Variants in ACAT2 observed in about 807,000 individuals in gnomAD.
ACAT2 encodes acetyl-CoA acetyltransferase, cytosolic.
Under a neutral mutation model 37.1 loss-of-function variants are expected in ACAT2, and 26 were observed. The observed-to-expected ratio is 0.70, with a 90% CI of 0.51 to 0.97. The LOEUF (loss-of-function observed/expected upper bound fraction) is 0.97, where lower values mean the gene tolerates loss of function less well. Ranked by LOEUF, ACAT2 falls within the 50% of genes least tolerant of loss-of-function variation. The probability of loss-of-function intolerance (pLI) is 0.00; values close to 1 mark genes in which losing one functional copy is unlikely to be tolerated. For synonymous variants in ACAT2, 156 were observed against 163.6 expected, an observed-to-expected ratio of 0.95 and a Z score of 0.35; for missense variants, 468 against 489.0, an observed-to-expected ratio of 0.96 and a Z score of 0.40.
chr6:159,777,750 C>T (rs561247656), intron 7 of ACAT2, among the ~76,000 whole-genome samples: 4 of 152,154 alleles, frequency 2.6e-5, no homozygotes, highest in Admixed American at 1.3e-4. Context: ...AGGTCTATGT[C>T]GCCCAGGCTG....
intron 1 of ACAT2, 77 bp from the exon 2 acceptor site, chr6:159,762,842 A>C: frequency 6.3e-7 from 1 of 1,597,338 alleles, no homozygotes; most frequent in Non-Finnish European, 8.5e-7. Context: ...CAGGGTCATG[A>C]GGCTCCCCTG....
intron 5 of ACAT2, 157 bp downstream of exon 5, chr6:159,775,470 C>T: frequency 1.2e-6 from 1 of 862,836 alleles, no homozygotes; most frequent in Admixed American, 2.9e-5. Context: ...AGGGGGTATG[C>T]TGGGTTTACA....
At chr6:159,778,128 C>T (rs748884270) in intron 7 of ACAT2, 42 bp from the exon 8 acceptor site, 2 of 1,364,440 alleles carry the variant, frequency 1.5e-6, no homozygotes, top group Admixed American at 1.8e-5. Flanking sequence ...TTTAGCCTTT[C>T]CACCCAAGTT....
intron 5 of ACAT2, chr6:159,775,929 T>A: frequency 2.3e-6 from 1 of 440,284 alleles, no homozygotes; most frequent in Non-Finnish European, 4.0e-6. Context: ...GGCCTATGGA[T>A]TTGGAAAACA....
intron 3 of ACAT2, 68 bp from the exon 4 acceptor site, chr6:159,768,443 T>C: frequency 8.8e-7 from 1 of 1,136,074 alleles, no homozygotes; most frequent in Non-Finnish European, 1.3e-6. Flanking sequence ...TAGATAGTTT[T>C]GAGTTGTATT....
At chr6:159,765,025 A>G (rs1168689130) in intron 2 of ACAT2, among the ~76,000 whole-genome samples, 1 of 152,234 alleles carries the variant, frequency 6.6e-6, no homozygotes, top group African/African-American at 2.4e-5. Context: ...GCTGGAGATA[A>G]GCAATGTTCA....
In ACAT2 at chr6:159,774,018, A is replaced by G. The variant is rs754054303; in HGVS notation, c.491-1152A>G. ...GATTACTTATAAATGAAAAAATGGT[A>G]CCTTTAAAAGCTAGAAACCTGGTGA... On this transcript the variant is annotated intron_variant, in intron 4 of 8. Transcript: ENST00000367048. Among the ~76,000 whole-genome samples the G allele has an allele frequency of 7.2e-4, 109 of 152,236 alleles. 1 individual carries two copies. The highest frequency in any genetic ancestry group is 3.3e-4 in the Admixed American group (5 of 15,280).
At chr6:159,770,682 C>A (rs1333810782) in intron 4 of ACAT2, among the ~76,000 whole-genome samples, 1 of 151,992 alleles carries the variant, frequency 6.6e-6, no homozygotes, top group Non-Finnish European at 1.5e-5. Flanking sequence ...ATGGCCTTAA[C>A]AGCATCTTGG....
chr6:159,779,099 A>G lies in ACAT2; in HGVS notation c.*270A>G, dbSNP rs771888142. The G allele has an allele frequency of 6.8e-6, 11 of 1,614,014 alleles. No individual in the cohort carries two copies. The East Asian group carries it at 2.5e-4, about 36-fold the overall frequency. Reference sequence around the variant, plus strand: ...CATCTTCATAACTTCCATGTTTATCATCTTTACTTTCTGGATGTAATTTAA... The same window carrying G: ...CATCTTCATAACTTCCATGTTTATCGTCTTTACTTTCTGGATGTAATTTAA... On this transcript the variant is annotated 3_prime_UTR_variant, in exon 9 of 9. Coordinates refer to ENST00000367048, the MANE Select transcript of ACAT2 (RefSeq NM_005891.3).
chr6:159,765,421 C>T (rs1280444705), intron 2 of ACAT2, among the ~76,000 whole-genome samples: 2 of 150,518 alleles, frequency 1.3e-5, no homozygotes, highest in Non-Finnish European at 3.0e-5. Context: ...CAGCCCTGTA[C>T]CTCATTTCTT....
rs766305392 is a variant in ACAT2, at chr6:159,778,831, T to A, written c.*2T>A. On this transcript the variant is annotated 3_prime_UTR_variant, in exon 9 of 9. Coordinates refer to ENST00000367048, the MANE Select transcript of ACAT2 (RefSeq NM_005891.3). ...GCAATGTGTGTTCAGAGAGAATGAA[T>A]TGCTTAAACTTTGAACAACCTCAAT... 1 of 1,614,084 alleles carries A rather than the reference T, an allele frequency of 6.2e-7. No homozygotes were observed. The highest frequency in any genetic ancestry group is 1.1e-5 in the South Asian group (1 of 91,064).
Position 159,775,237 on chromosome 6 carries a change from G to C in ACAT2, c.558G>C (p.Gln186His). 6.2e-7 allele frequency: 1 copy of C among 1,614,118 alleles called. No homozygotes were observed. Among genetic ancestry groups the C allele is most frequent in the Non-Finnish European group, 8.5e-7 (1 of 1,179,980 alleles). ...EDQDKVAVLS[Q>H]NRTENAQKAG... Reference sequence around the variant, plus strand: ...AGGACAAGGTTGCAGTTCTGTCCCAGAACAGGACAGAGAATGCACAGAAAG... The same window carrying C: ...AGGACAAGGTTGCAGTTCTGTCCCACAACAGGACAGAGAATGCACAGAAAG... Residue 186 changes from glutamine to histidine, a missense_variant, in exon 5 of 9, where the codon CAG becomes CAC. Physicochemically the swap from Gln to His is conservative, Grantham distance 24. Coordinates refer to ENST00000367048, the MANE Select transcript of ACAT2 (RefSeq NM_005891.3).
At chr6:159,775,687 CCATTTCA>C (rs1780401633) in intron 5 of ACAT2, 1 of 206,642 alleles carries the variant, frequency 4.8e-6, no homozygotes, top group African/African-American at 2.3e-5. Flanking sequence ...TGTGTGATCT[CCATTTCA>C]CATTTCTAAA....
chr6:159,768,487 T>A (rs923187466), intron 3 of ACAT2, 24 bp from the exon 4 acceptor site: 5 of 1,528,006 alleles, frequency 3.3e-6, no homozygotes, highest in Middle Eastern at 1.7e-4. Flanking sequence ...TAAGCCTAAA[T>A]CCATTTTTAT....
chr6:159,765,148 C>T (rs1458274199), intron 2 of ACAT2, among the ~76,000 whole-genome samples: 1 of 152,190 alleles, frequency 6.6e-6, no homozygotes, highest in Admixed American at 6.5e-5. Flanking sequence ...TGGAGTCCCA[C>T]TCTGTTGCCC....
intron 2 of ACAT2, among the ~76,000 whole-genome samples, chr6:159,765,406 A>G (rs973325635): frequency 4.9e-5 from 7 of 143,382 alleles, no homozygotes; most frequent in Non-Finnish European, 1.1e-4. Flanking sequence ...ATGAGCCACC[A>G]TGCCCAGCCC....
chr6:159,770,224 G>A (rs1338892048), intron 4 of ACAT2, among the ~76,000 whole-genome samples: 1 of 152,076 alleles, frequency 6.6e-6, no homozygotes, highest in Non-Finnish European at 1.5e-5. Flanking sequence ...CAGTTATGTA[G>A]CAACTATAAT....
At chr6:159,778,629 A>C in intron 8 of ACAT2, 30 bp from the exon 9 acceptor site, 1 of 1,607,680 alleles carries the variant, frequency 6.2e-7, no homozygotes, top group Non-Finnish European at 8.5e-7. Context: ...ACAGAAGAAT[A>C]AACAATCTAA....
Position 159,762,980 on chromosome 6 carries a change from A to G in ACAT2, c.117A>G (p.Lys39=), listed in dbSNP as rs761741818. The change falls in exon 2 of 9, where the codon AAA becomes AAG. Residue 39 remains lysine (K), a synonymous_variant. Transcript: ENST00000367048. ...AGGACCTGGGCTCCACTGTCATCAA[A>G]GAAGTCTTGAAGAGGGCCACTGTGG... The part of the protein sequence containing the change: ...PVQDLGSTVI[K]EVLKRATVAP... The G allele has an allele frequency of 2.7e-5, 44 of 1,614,028 alleles. 1 individual carries two copies. The South Asian group carries it at 4.2e-4, about 15-fold the overall frequency.
Sources: allele counts gnomAD v4.1 joint callset (sites outside exome capture counted in the v4.1 genomes callset), GRCh38; gene constraint gnomAD v4.1.1; transcripts MANE v1.5; gene names NCBI Gene and HGNC (gene_info 2026-07-23, HGNC 2026-07-21).